DNM3: variants seen among roughly 807,000 people sequenced by gnomAD.
DNM3 encodes dynamin-3.
Under a neutral mutation model 101.6 loss-of-function variants are expected in DNM3, and 47 were observed. The observed-to-expected ratio is 0.46, with a 90% CI of 0.37 to 0.59. The LOEUF is 0.59. Among genes scored for constraint, DNM3 ranks in the 20% least tolerant of loss-of-function variants. The pLI, the probability that DNM3 is intolerant of heterozygous loss-of-function variation, is 0.00. For synonymous variants in DNM3, 385 were observed against 387.9 expected, an observed-to-expected ratio of 0.99 and a Z score of 0.09; for missense variants, 849 against 1,085.7, an observed-to-expected ratio of 0.78 and a Z score of 3.06.
intron 10 of DNM3, among the ~76,000 whole-genome samples, chr1:172,049,597 T>C (rs757761258): frequency 4.6e-5 from 7 of 152,144 alleles, no homozygotes; most frequent in Non-Finnish European, 1.0e-4. Context: ...TATCTTGTAT[T>C]GAAAAACACA....
intron 14 of DNM3, among the ~76,000 whole-genome samples, chr1:172,155,884 C>A (rs2058318342): frequency 6.6e-6 from 1 of 152,050 alleles, no homozygotes; most frequent in African/African-American, 2.4e-5. Context: ...GTCTGTTTAG[C>A]CAATGCTAAA....
At chr1:172,222,484 T>C (rs1241416325) in intron 14 of DNM3, among the ~76,000 whole-genome samples, 1 of 152,132 alleles carries the variant, frequency 6.6e-6, no homozygotes, top group Non-Finnish European at 1.5e-5. Flanking sequence ...AAGGTGATTA[T>C]AGAGAACAAG....
chr1:172,265,110 G>A (rs752666595), intron 15 of DNM3, among the ~76,000 whole-genome samples: 11 of 152,214 alleles, frequency 7.2e-5, no homozygotes, highest in East Asian at 1.9e-4. Flanking sequence ...CAAACTTTTA[G>A]TCATGGCTAT....
intron 1 of DNM3, among the ~76,000 whole-genome samples, chr1:171,863,854 C>T (rs2034438585): frequency 6.6e-6 from 1 of 152,124 alleles, no homozygotes; most frequent in Middle Eastern, 3.2e-3. Context: ...TCACTAAGCC[C>T]ACAGGTAGAA....
intron 16 of DNM3, among the ~76,000 whole-genome samples, chr1:172,320,958 A>ATCGTGTATTTTTCT (rs1293319828): frequency 6.6e-6 from 1 of 152,344 alleles, no homozygotes; most frequent in Non-Finnish European, 1.5e-5. Flanking sequence ...AGCTGTATAT[A>ATCGTGTATTTTTCT]TAAGTGGTCT....
At chr1:172,384,486 G>A (rs2069085890) in intron 18 of DNM3, among the ~76,000 whole-genome samples, 1 of 152,164 alleles carries the variant, frequency 6.6e-6, no homozygotes, top group African/African-American at 2.4e-5. Flanking sequence ...TGAGGAACCT[G>A]AGACTCAAAC....
chr1:172,232,186 G>T (rs944012242), intron 14 of DNM3, among the ~76,000 whole-genome samples: 11 of 152,140 alleles, frequency 7.2e-5, no homozygotes, highest in Admixed American at 2.0e-4. Flanking sequence ...ATAAAGGGAT[G>T]GAGGAAGATC....
At chr1:172,233,220 C>A (rs923227453) in intron 14 of DNM3, among the ~76,000 whole-genome samples, 1 of 152,070 alleles carries the variant, frequency 6.6e-6, no homozygotes, top group East Asian at 1.9e-4. Context: ...TCAGCAATCC[C>A]ACAGAAATAC....
chr1:172,000,052 G>A (rs1322773824), intron 4 of DNM3, among the ~76,000 whole-genome samples: 3 of 152,076 alleles, frequency 2.0e-5, no homozygotes, highest in African/African-American at 7.2e-5. Context: ...ATTAATTCAG[G>A]TGGTGTCTAC....
chr1:172,238,768 A>G (rs2061636350), intron 14 of DNM3, among the ~76,000 whole-genome samples: 1 of 151,976 alleles, frequency 6.6e-6, no homozygotes, highest in South Asian at 2.1e-4. Context: ...GACCCAGGCC[A>G]TCTCTGTTTG....
intron 10 of DNM3, among the ~76,000 whole-genome samples, chr1:172,056,652 C>G (rs1268814186): frequency 1.3e-5 from 2 of 151,284 alleles, no homozygotes; most frequent in African/African-American, 4.8e-5. Flanking sequence ...AGAAGGAAAA[C>G]TAACAAACAG....
chr1:172,358,583 T>TC (rs1419832101), intron 17 of DNM3, among the ~76,000 whole-genome samples: 2 of 151,876 alleles, frequency 1.3e-5, no homozygotes, highest in Non-Finnish European at 2.9e-5. Context: ...GTCAGCTCCC[T>TC]CCCCCACCAG....
At chr1:171,861,047 A>G (rs946117317) in intron 1 of DNM3, among the ~76,000 whole-genome samples, 1 of 152,128 alleles carries the variant, frequency 6.6e-6, no homozygotes, top group Non-Finnish European at 1.5e-5. Flanking sequence ...GATATTTAAA[A>G]CCTTAAGACT....
intron 15 of DNM3, among the ~76,000 whole-genome samples, chr1:172,302,772 C>T (rs1004811121): frequency 2.6e-5 from 4 of 152,134 alleles, no homozygotes; most frequent in Non-Finnish European, 4.4e-5. Context: ...CTCCAACAGA[C>T]CTGCACCTGA....
intron 15 of DNM3, among the ~76,000 whole-genome samples, chr1:172,260,835 A>G (rs2062614513): frequency 1.3e-5 from 2 of 152,116 alleles, no homozygotes; most frequent in Admixed American, 1.3e-4. Context: ...AACACAAGAT[A>G]TGCAACATTT....
At chr1:171,898,968 A>C (rs1286715058) in intron 1 of DNM3, among the ~76,000 whole-genome samples, 1 of 152,206 alleles carries the variant, frequency 6.6e-6, no homozygotes, top group Non-Finnish European at 1.5e-5. Context: ...GTAGTATTTG[A>C]AACTAACGTG....
At chr1:172,027,354 G>T (rs2048279668) in intron 4 of DNM3, among the ~76,000 whole-genome samples, 2 of 152,246 alleles carry the variant, frequency 1.3e-5, no homozygotes, top group Non-Finnish European at 1.5e-5. Context: ...GGATGCCGAG[G>T]TGGGTGGATC....
At chr1:172,316,705 T>C (rs1307374495) in intron 16 of DNM3, among the ~76,000 whole-genome samples, 11 of 152,080 alleles carry the variant, frequency 7.2e-5, no homozygotes, top group Admixed American at 5.9e-4. Context: ...TAAATATATA[T>C]GCACCCAATA....
At chr1:172,038,000 A>G (rs1236779992) in intron 6 of DNM3, among the ~76,000 whole-genome samples, 1 of 152,116 alleles carries the variant, frequency 6.6e-6, no homozygotes, top group African/African-American at 2.4e-5. Context: ...TGGTAAATCA[A>G]TCCATGCTAA....
Sources: gnomAD v4.1 joint callset for allele counts (sites outside exome capture counted in the v4.1 genomes callset) on GRCh38, gnomAD v4.1.1 for gene constraint, MANE v1.5 for transcripts, NCBI Gene and HGNC (gene_info 2026-07-23, HGNC 2026-07-21) for gene names.